HDAC9: variants seen among roughly 807,000 people sequenced by gnomAD.
The protein encoded by HDAC9 is histone deacetylase 9, also known as MEF-2 interacting transcription repressor (MITR) protein.
Under a neutral mutation model 139.4 loss-of-function variants are expected in HDAC9, and 41 were observed. The ratio of observed to expected loss-of-function variants is 0.29; its 90% CI spans 0.23 to 0.38. The LOEUF (loss-of-function observed/expected upper bound fraction) is 0.38. Among genes scored for constraint, HDAC9 ranks in the 10% least tolerant of loss-of-function variants. HDAC9 has a pLI of 1.00. For synonymous variants in HDAC9, 517 were observed against 476.2 expected, an observed-to-expected ratio of 1.09 and a Z score of -1.12; for missense variants, 1,147 against 1,297.0, an observed-to-expected ratio of 0.88 and a Z score of 1.78.
chr7:18,508,783 C>T (rs1460005902), intron 2 of HDAC9, among the ~76,000 whole-genome samples: 1 of 152,150 alleles, frequency 6.6e-6, no homozygotes, highest in East Asian at 1.9e-4. Flanking sequence ...CAATATTGCA[C>T]ACTTTTTAAA....
At chr7:18,963,288 T>C (rs1585418901) in intron 24 of HDAC9, among the ~76,000 whole-genome samples, 1 of 152,292 alleles carries the variant, frequency 6.6e-6, no homozygotes, top group South Asian at 2.1e-4. Flanking sequence ...CAAAGGGATA[T>C]GAATTTGATA....
chr7:18,295,559 C>T (rs943120751), intron 1 of HDAC9, among the ~76,000 whole-genome samples: 2 of 152,140 alleles, frequency 1.3e-5, no homozygotes, highest in African/African-American at 4.8e-5. Context: ...TATCTTACTT[C>T]TATCTTTACA....
chr7:18,448,812 G>C (rs1368030871), intron 1 of HDAC9, among the ~76,000 whole-genome samples: 2 of 152,032 alleles, frequency 1.3e-5, no homozygotes, highest in Non-Finnish European at 2.9e-5. Flanking sequence ...GGACTGCAAG[G>C]CTCCTGAAAT....
chr7:18,205,462 G>A (rs1791434606), intron 2 of HDAC9, among the ~76,000 whole-genome samples: 1 of 151,902 alleles, frequency 6.6e-6, no homozygotes, highest in Admixed American at 6.6e-5. Context: ...AAGTCTTGCT[G>A]GAAAAACAGA....
chr7:18,556,490 A>G (rs762405031), intron 2 of HDAC9, among the ~76,000 whole-genome samples: 7 of 152,072 alleles, frequency 4.6e-5, no homozygotes, highest in Non-Finnish European at 8.8e-5. Flanking sequence ...TTCTTTTACG[A>G]TAGCAGTATC....
intron 23 of HDAC9, among the ~76,000 whole-genome samples, chr7:18,941,436 A>G (rs1390634720): frequency 6.6e-6 from 1 of 152,130 alleles, no homozygotes; most frequent in Non-Finnish European, 1.5e-5. Flanking sequence ...AGTGTTGACA[A>G]CCACCCCTGA....
At chr7:18,380,846 C>CTTAA (rs922493822) in intron 1 of HDAC9, among the ~76,000 whole-genome samples, 2 of 152,134 alleles carry the variant, frequency 1.3e-5, no homozygotes, top group Non-Finnish European at 2.9e-5. Context: ...CACTCTGGAG[C>CTTAA]TTAAGAAAGC....
chr7:18,960,009 AACACACACACACAC>A (rs58030908), intron 24 of HDAC9, among the ~76,000 whole-genome samples: 1 of 148,916 alleles, frequency 6.7e-6, no homozygotes, highest in Non-Finnish European at 1.5e-5. Flanking sequence ...TGTTGTTTTA[AACACACACACACAC>A]ACACACACAC....
chr7:18,804,528 C>T (rs1364058378), intron 17 of HDAC9, among the ~76,000 whole-genome samples: 6 of 152,208 alleles, frequency 3.9e-5, no homozygotes, highest in Admixed American at 2.6e-4. Context: ...ATTTCATATA[C>T]ATTTTGCCAC....
intron 1 of HDAC9, among the ~76,000 whole-genome samples, chr7:18,155,260 C>T (rs1787103966): frequency 6.6e-6 from 1 of 151,898 alleles, no homozygotes; most frequent in Admixed American, 6.6e-5. Context: ...CAAAGATGAT[C>T]CAATAAAAAT....
At chr7:18,796,028 C>T (rs1254923226) in intron 17 of HDAC9, among the ~76,000 whole-genome samples, 1 of 152,208 alleles carries the variant, frequency 6.6e-6, no homozygotes, top group African/African-American at 2.4e-5. Context: ...ATTCAGTTCT[C>T]ACATATTCTA....
At chr7:18,477,208 TC>T (rs1795178437) in intron 1 of HDAC9, among the ~76,000 whole-genome samples, 1 of 152,208 alleles carries the variant, frequency 6.6e-6, no homozygotes, top group South Asian at 2.1e-4. Flanking sequence ...TATATTATAG[TC>T]AACTATGACT....
chr7:18,133,389 T>A (rs1182076155), intron 1 of HDAC9, among the ~76,000 whole-genome samples: 1 of 152,166 alleles, frequency 6.6e-6, no homozygotes, highest in African/African-American at 2.4e-5. Context: ...ATATTCTAGA[T>A]GACATGTGAG....
chr7:18,775,179 C>T (rs919976077), intron 16 of HDAC9, among the ~76,000 whole-genome samples: 3 of 151,916 alleles, frequency 2.0e-5, no homozygotes, highest in African/African-American at 4.8e-5. Context: ...TATAATAGTA[C>T]TATCAAAGAT....
chr7:18,889,184 C>T (rs1448892679), intron 22 of HDAC9, among the ~76,000 whole-genome samples: 3 of 152,144 alleles, frequency 2.0e-5, no homozygotes, highest in Non-Finnish European at 2.9e-5. Context: ...AGACCAGGCT[C>T]ACATCAGGGT....
chr7:18,683,005 A>G (rs915354817), intron 12 of HDAC9, among the ~76,000 whole-genome samples: 4 of 151,968 alleles, frequency 2.6e-5, no homozygotes, highest in African/African-American at 7.2e-5. Context: ...AAATTTAAAG[A>G]CAATTTATTT....
At position 18,482,380 on chromosome 7, in the gene HDAC9, CAAAAAAAAAAAAAAAAAAAA is replaced by C. The variant is rs566243064; in HGVS notation, c.-41-13864_-41-13845del. ...GCAACATAGTAAGACCTGGACTCAC[CAAAAAAAAAAAAAAAAAAAA>C]AAAAAAAAAAAAAAAAATTCTCCTT... is the stretch of plus-strand genomic sequence containing the variant. On this transcript the variant is annotated intron_variant, in intron 1 of 3. Coordinates refer to the HDAC9 transcript ENST00000413509. Among the ~76,000 whole-genome samples, 240 of 32,344 alleles carry C rather than the reference CAAAAAAAAAAAAAAAAAAAA, an allele frequency of 7.4e-3. 12 individuals are homozygous for C. In the East Asian group the frequency reaches 0.19, roughly 26 times the overall value. The allele number at this position is 32,344 out of a possible 152,430, so 21.2% of individuals were successfully genotyped here.
rs775887956 is a variant in HDAC9, at chr7:18,732,868, TAC to T, written c.1909+5120_1909+5121del. The stretch of plus-strand genomic sequence containing the variant: ...ACACGTGTGTATGTGTGCGTATGTG[TAC>T]ACACACACGTGTGCGTATGTGTACA... On this transcript the variant is annotated intron_variant, in intron 13 of 25. Transcript: ENST00000686413. Among the ~76,000 whole-genome samples the T allele has an allele frequency of 8.2e-3, 793 of 97,074 alleles. 168 individuals carry two copies. The highest frequency in any genetic ancestry group is 0.015 in the African/African-American group (336 of 22,186). 63.7% of individuals were successfully genotyped at this position (97,074 alleles called of 152,430 possible).
intron 2 of HDAC9, among the ~76,000 whole-genome samples, chr7:18,506,555 A>C (rs1319602604): frequency 6.6e-6 from 1 of 151,592 alleles, no homozygotes. Context: ...TCTAAATTCT[A>C]TTCAATTTCT....
Sources: gnomAD v4.1 joint callset for allele counts (sites outside exome capture counted in the v4.1 genomes callset) on GRCh38, gnomAD v4.1.1 for gene constraint, MANE v1.5 for transcripts, NCBI Gene and HGNC (gene_info 2026-07-23, HGNC 2026-07-21) for gene names.